Variants in SHANK2 observed in about 807,000 individuals in gnomAD.
SHANK2 encodes SH3 and multiple ankyrin repeat domains 2.
In SHANK2, 43 loss-of-function variants were observed where a neutral mutation model predicts 133.7. The ratio of observed to expected loss-of-function variants is 0.32; its 90% CI spans 0.25 to 0.41. The LOEUF is 0.41. Among genes scored for constraint, SHANK2 ranks in the 10% least tolerant of loss-of-function variants. The probability of loss-of-function intolerance (pLI) is 1.00; values close to 1 mark genes in which losing one functional copy is unlikely to be tolerated. For synonymous variants in SHANK2, 1,017 were observed against 952.8 expected (o/e 1.07, Z -1.24); for missense variants, 1,994 against 2,235.8 (o/e 0.89, Z 2.18).
intron 14 of SHANK2, among the ~76,000 whole-genome samples, chr11:70,714,521 T>C (rs1361572959): frequency 6.6e-6 from 1 of 152,246 alleles, no homozygotes; most frequent in East Asian, 1.9e-4. Flanking sequence ...TATTCCTCTA[T>C]AACACAATCA....
chr11:70,755,373 G>A (rs1458329386), intron 14 of SHANK2, among the ~76,000 whole-genome samples: 4 of 152,244 alleles, frequency 2.6e-5, no homozygotes, highest in African/African-American at 9.6e-5. Context: ...CGCCCAGCGC[G>A]CAGGCAGCCT....
intron 1 of SHANK2, among the ~76,000 whole-genome samples, chr11:71,245,364 A>G (rs1032137216): frequency 3.3e-5 from 5 of 152,244 alleles, no homozygotes; most frequent in South Asian, 4.1e-4. Flanking sequence ...GTTTATTACT[A>G]TTTTTAAATG....
At chr11:71,155,280 C>CGG in intron 2 of SHANK2, among the ~76,000 whole-genome samples, 1 of 112,414 alleles carries the variant, frequency 8.9e-6, no homozygotes, top group African/African-American at 3.6e-5. Context: ...CCCACGCTCC[C>CGG]AGAGGGGTGG....
chr11:71,123,172 T>C (rs1442176234), intron 3 of SHANK2, among the ~76,000 whole-genome samples: 1 of 152,176 alleles, frequency 6.6e-6, no homozygotes, highest in Non-Finnish European at 1.5e-5. Context: ...CTACCCATCA[T>C]TGACTCACTG....
In SHANK2 at chr11:70,882,087, C is replaced by T. The variant is rs1276849954; in HGVS notation, c.1174+14414G>A. Among the ~76,000 whole-genome samples, 1 of 152,066 alleles carries T rather than the reference C, an allele frequency of 6.6e-6. No individual in the cohort carries two copies. Among genetic ancestry groups the T allele is most frequent in the Non-Finnish European group, 1.5e-5 (1 of 68,022 alleles). The stretch of plus-strand genomic sequence containing the variant: ...AAACATCAGTGTGAATTCCCCAAGC[C>T]CCCAGGGGGACACACTGAGGACCAG... On this transcript the variant is annotated intron_variant, in intron 11 of 25. Transcript: ENST00000601538. This position sits in a 1 kb window ranked among gnomAD's most constrained non-coding sequence, Gnocchi z 4.2.
At chr11:71,204,463 C>T (rs994071151) in intron 2 of SHANK2, among the ~76,000 whole-genome samples, 3 of 152,138 alleles carry the variant, frequency 2.0e-5, no homozygotes, top group Non-Finnish European at 4.4e-5. Flanking sequence ...GACACGTTCT[C>T]GGGTGACAGG....
In SHANK2 at chr11:70,470,723, C is replaced by T. The variant is rs981214792; in HGVS notation, c.*2146G>A. 1 of 152,342 alleles carries T rather than the reference C, an allele frequency of 6.6e-6. No individual in the cohort carries two copies. Among genetic ancestry groups the T allele is most frequent in the South Asian group, 2.1e-4 (1 of 4,818 alleles). 9.4% of individuals were successfully genotyped at this position (152,342 alleles called of 1,614,324 possible). ...AAACTGAAAGCACACGGAAGTAAAG[C>T]GCCTTAATATTCAATTGACTTCAAG... is the stretch of plus-strand genomic sequence containing the variant. On this transcript the variant is annotated 3_prime_UTR_variant, in exon 26 of 26. Coordinates refer to ENST00000601538, the MANE Select transcript of SHANK2 (RefSeq NM_012309.5).
chr11:70,525,460 G>A (rs1333487861), intron 17 of SHANK2, among the ~76,000 whole-genome samples: 1 of 151,892 alleles, frequency 6.6e-6, no homozygotes, highest in Non-Finnish European at 1.5e-5. Context: ...GGATGGGCAG[G>A]GGATGGTGGA....
chr11:71,162,799 G>A (rs1345243920), intron 2 of SHANK2, among the ~76,000 whole-genome samples: 18 of 151,992 alleles, frequency 1.2e-4, no homozygotes, highest in South Asian at 4.2e-4. Flanking sequence ...TAGTCTGGGC[G>A]TGGTGGCTCA....
chr11:70,473,221 G>A lies in SHANK2; in HGVS notation c.5198C>T (p.Pro1733Leu), dbSNP rs781968804. 8 of 1,610,734 alleles carry A rather than the reference G, an allele frequency of 5.0e-6. No individual in the cohort carries two copies. The highest frequency in any genetic ancestry group is 1.7e-6 in the Non-Finnish European group (2 of 1,177,250). Residue 1733 changes from proline to leucine, a missense_variant, in exon 26 of 26, where the codon CCT becomes CTT. Transcript: ENST00000601538. The surrounding 1 kb of genome is among the most constrained non-coding windows in gnomAD (Gnocchi z 5.9). ...PAPLSAATASPSPALSDVFSL... is the reference protein window; with the variant it reads ...PAPLSAATASLSPALSDVFSL... ...AAAGACATCTGAGAGAGCGGGAGAAGGAGAGGCGGTGGCAGCAGACAGGGG... is the reference window on the plus strand; with the variant it reads ...AAAGACATCTGAGAGAGCGGGAGAAAGAGAGGCGGTGGCAGCAGACAGGGG...
intron 9 of SHANK2, among the ~76,000 whole-genome samples, chr11:71,071,120 A>T (rs1316825485): frequency 6.6e-6 from 1 of 152,242 alleles, no homozygotes; most frequent in East Asian, 1.9e-4. Flanking sequence ...TGTGCTTGCA[A>T]TCTACTGGGG....
chr11:70,594,189 A>G (rs2060366388), intron 17 of SHANK2, among the ~76,000 whole-genome samples: 1 of 152,236 alleles, frequency 6.6e-6, no homozygotes, highest in Non-Finnish European at 1.5e-5. Context: ...GTCTACCCAC[A>G]CCATTGGATA....
chr11:71,083,532 C>T (rs1237585276), intron 8 of SHANK2, among the ~76,000 whole-genome samples: 3 of 152,076 alleles, frequency 2.0e-5, no homozygotes, highest in Non-Finnish European at 4.4e-5. Context: ...GGTTTGCAAC[C>T]CCAGGCTGCA....
At chr11:70,508,837 C>T (rs976887338) in intron 17 of SHANK2, among the ~76,000 whole-genome samples, 2 of 152,176 alleles carry the variant, frequency 1.3e-5, no homozygotes, top group South Asian at 2.1e-4. Context: ...TGCAATGAGC[C>T]ATGATTGTGC....
chr11:70,933,786 G>A (rs1383141630), intron 10 of SHANK2, among the ~76,000 whole-genome samples: 3 of 151,888 alleles, frequency 2.0e-5, no homozygotes, highest in Non-Finnish European at 2.9e-5. Context: ...TGGGCATGGT[G>A]GCGCACACCT....
chr11:71,078,029 C>A (rs986192961), intron 8 of SHANK2, among the ~76,000 whole-genome samples: 28 of 152,076 alleles, frequency 1.8e-4, no homozygotes, highest in Non-Finnish European at 8.8e-5. Context: ...GCCATCAGCA[C>A]CCCAAGCACC....
chr11:71,186,417 C>T (rs549118417), intron 2 of SHANK2, among the ~76,000 whole-genome samples: 1 of 152,314 alleles, frequency 6.6e-6, no homozygotes, highest in African/African-American at 2.4e-5. Context: ...ATCAGTCATC[C>T]AGGAGTCCAT....
At chr11:70,888,662 CA>C in intron 11 of SHANK2, among the ~76,000 whole-genome samples, 1 of 151,936 alleles carries the variant, frequency 6.6e-6, no homozygotes, top group African/African-American at 2.4e-5. Flanking sequence ...ACTAAAAATA[CA>C]AAAATTAGCT....
chr11:70,524,167 C>T (rs1050321993), intron 17 of SHANK2, among the ~76,000 whole-genome samples: 3 of 152,218 alleles, frequency 2.0e-5, no homozygotes, highest in African/African-American at 7.2e-5. Context: ...GGGACAGAAG[C>T]TACAGCGGAG....
Sources: allele counts gnomAD v4.1 joint callset (sites outside exome capture counted in the v4.1 genomes callset), GRCh38; gene constraint gnomAD v4.1.1; non-coding constraint Gnocchi (gnomAD v3.1); transcripts MANE v1.5; gene names NCBI Gene and HGNC (gene_info 2026-07-23, HGNC 2026-07-21).